Variants in FRAS1 observed in about 807,000 individuals in gnomAD.
FRAS1 encodes extracellular matrix organizing protein FRAS1.
Under a neutral mutation model 435.2 loss-of-function variants are expected in FRAS1, and 290 were observed. That is an observed-to-expected ratio of 0.67 (90% CI 0.61 to 0.73). The LOEUF is 0.73. Among genes scored for constraint, FRAS1 ranks in the 30% least tolerant of loss-of-function variants. The pLI, the probability that FRAS1 is intolerant of heterozygous loss-of-function variation, is 0.00. For missense variants in FRAS1, 4,860 were observed against 5,001.5 expected (o/e 0.97, Z 0.85); for synonymous variants, 1,800 against 1,851.0 (o/e 0.97, Z 0.71).
intron 66 of FRAS1, among the ~76,000 whole-genome samples, chr4:78,517,036 C>G (rs1721234429): frequency 6.6e-6 from 1 of 152,194 alleles, no homozygotes; most frequent in Non-Finnish European, 1.5e-5. Context: ...AATTCTAAAA[C>G]AGGTTCTATC....
chr4:78,143,570 A>G (rs1720279612), intron 2 of FRAS1, among the ~76,000 whole-genome samples: 1 of 152,098 alleles, frequency 6.6e-6, no homozygotes, highest in Non-Finnish European at 1.5e-5. Flanking sequence ...AAATGAATGT[A>G]TGTCAGGCAT....
chr4:78,271,977 T>C (rs1412034109), intron 9 of FRAS1, among the ~76,000 whole-genome samples: 1 of 152,240 alleles, frequency 6.6e-6, no homozygotes, highest in Non-Finnish European at 1.5e-5. Flanking sequence ...CCAGCACCTG[T>C]TCTTTCCTGA....
intron 29 of FRAS1, among the ~76,000 whole-genome samples, chr4:78,390,884 A>G (rs947738740): frequency 6.6e-6 from 1 of 152,252 alleles, no homozygotes; most frequent in Non-Finnish European, 1.5e-5. Context: ...TAGTGAATGA[A>G]TGTACGAATT....
At chr4:78,455,329 G>T (rs1719156345) in intron 47 of FRAS1, among the ~76,000 whole-genome samples, 1 of 152,098 alleles carries the variant, frequency 6.6e-6, no homozygotes, top group African/African-American at 2.4e-5. Flanking sequence ...CTCCCTGAAG[G>T]CAGTTGGCTA....
chr4:78,280,216 T>C (rs1400103567), intron 10 of FRAS1, among the ~76,000 whole-genome samples: 2 of 152,198 alleles, frequency 1.3e-5, no homozygotes, highest in Non-Finnish European at 2.9e-5. Flanking sequence ...GCATCAGTAC[T>C]CTTGGATTTT....
chr4:78,370,287 A>G (rs550225211), intron 23 of FRAS1, among the ~76,000 whole-genome samples: 142 of 152,296 alleles, frequency 9.3e-4, no homozygotes, highest in African/African-American at 3.1e-3. Context: ...TTCTTTGTCT[A>G]CTTAATGTTT....
At chr4:78,313,379 G>A (rs939952710) in intron 15 of FRAS1, among the ~76,000 whole-genome samples, 3 of 152,160 alleles carry the variant, frequency 2.0e-5, no homozygotes, top group East Asian at 1.9e-4. Flanking sequence ...ATCATTTAGC[G>A]TCTTTTTTCT....
chr4:78,074,185 G>C (rs970046196), intron 2 of FRAS1, among the ~76,000 whole-genome samples: 1 of 151,650 alleles, frequency 6.6e-6, no homozygotes, highest in Non-Finnish European at 1.5e-5. Context: ...AGGGAGGGGA[G>C]GGTGTCTGCA....
intron 2 of FRAS1, among the ~76,000 whole-genome samples, chr4:78,127,241 A>T (rs1005192089): frequency 6.6e-6 from 1 of 152,120 alleles, no homozygotes; most frequent in African/African-American, 2.4e-5. Context: ...GAATGGCCTG[A>T]ATGTGGAGTG....
chr4:78,115,349 A>G (rs13147233), intron 2 of FRAS1, among the ~76,000 whole-genome samples: 42,350 of 151,502 alleles, frequency 0.28, 6,214 homozygotes, highest in African/African-American at 0.35. Context: ...CTCATAAAAT[A>G]ACTTAGGGAG....
chr4:78,424,542 A>T, intron 35 of FRAS1, 122 bp downstream of exon 35: 2 of 468,652 alleles, frequency 4.3e-6, no homozygotes, highest in Non-Finnish European at 7.4e-6. Flanking sequence ...AAATTATATA[A>T]TTTTTCTTCT....
At chr4:78,535,076 G>A (rs11098225) in intron 71 of FRAS1, among the ~76,000 whole-genome samples, 65,946 of 151,914 alleles carry the variant, frequency 0.43, 15,006 homozygotes, top group East Asian at 0.79. Flanking sequence ...TTCTCTTGTC[G>A]ATGACACCAA....
At chr4:78,135,627 A>G (rs917274189) in intron 2 of FRAS1, among the ~76,000 whole-genome samples, 3 of 152,210 alleles carry the variant, frequency 2.0e-5, no homozygotes, top group Non-Finnish European at 4.4e-5. Context: ...CATGAGTGCT[A>G]GAAGAGTTTT....
chr4:78,198,112 C>T (rs1722896602), intron 2 of FRAS1, among the ~76,000 whole-genome samples: 2 of 152,100 alleles, frequency 1.3e-5, no homozygotes, highest in South Asian at 2.1e-4. Context: ...CTGACCGAGC[C>T]CCCATCTTAA....
intron 40 of FRAS1, among the ~76,000 whole-genome samples, chr4:78,440,492 G>A (rs1734618597): frequency 6.6e-6 from 1 of 152,064 alleles, no homozygotes; most frequent in African/African-American, 2.4e-5. Flanking sequence ...AGTTGTTCAG[G>A]GTGAAATTGC....
chr4:78,154,783 A>C (rs1429239098), intron 2 of FRAS1, among the ~76,000 whole-genome samples: 5 of 152,244 alleles, frequency 3.3e-5, no homozygotes, highest in Non-Finnish European at 7.3e-5. Flanking sequence ...AAAACAAACA[A>C]AGCAGAATTA....
At chr4:78,365,523 A>G (rs1295380288) in intron 22 of FRAS1, among the ~76,000 whole-genome samples, 1 of 152,194 alleles carries the variant, frequency 6.6e-6, no homozygotes, top group Non-Finnish European at 1.5e-5. Flanking sequence ...TATAGGTGAC[A>G]AAAATACATT....
chr4:78,457,030 ACCT>A (rs199819297), intron 47 of FRAS1, among the ~76,000 whole-genome samples: 1,848 of 152,250 alleles, frequency 0.012, 31 homozygotes, highest in African/African-American at 0.043. Context: ...AAGGAGGCCT[ACCT>A]CGTGCTGGAT....
intron 27 of FRAS1, among the ~76,000 whole-genome samples, chr4:78,381,109 C>T (rs190439456): frequency 6.6e-6 from 1 of 152,262 alleles, no homozygotes; most frequent in Admixed American, 6.5e-5. Context: ...ACTGATTCCA[C>T]AATGCATGCC....
Sources: gnomAD v4.1 joint callset for allele counts (sites outside exome capture counted in the v4.1 genomes callset) on GRCh38, gnomAD v4.1.1 for gene constraint, MANE v1.5 for transcripts, NCBI Gene and HGNC (gene_info 2026-07-23, HGNC 2026-07-21) for gene names.